KCNAB1: variants seen among roughly 807,000 people sequenced by gnomAD.
KCNAB1 encodes voltage-gated potassium channel subunit beta-1.
A neutral mutation model predicts 64.6 loss-of-function variants in KCNAB1; 35 were observed. The ratio of observed to expected loss-of-function variants is 0.54; its 90% CI spans 0.41 to 0.72. The LOEUF (loss-of-function observed/expected upper bound fraction) is 0.72. KCNAB1 is among the 30% of genes least tolerant of loss of function. KCNAB1 has a pLI of 0.00. For synonymous variants in KCNAB1, 177 were observed against 183.8 expected (o/e 0.96, Z 0.30); for missense variants, 401 against 512.9 (o/e 0.78, Z 2.11).
chr3:156,522,704 A>G (rs1718034621), intron 11 of KCNAB1, among the ~76,000 whole-genome samples: 1 of 152,244 alleles, frequency 6.6e-6, no homozygotes, highest in Non-Finnish European at 1.5e-5. Context: ...TCTTAGAATA[A>G]TGAAAAAATG....
chr3:156,160,011 A>G (rs983718083), intron 1 of KCNAB1, among the ~76,000 whole-genome samples: 2 of 152,252 alleles, frequency 1.3e-5, no homozygotes, highest in Non-Finnish European at 2.9e-5. Context: ...TACTGCTTTT[A>G]AAAACACAGT....
chr3:156,488,155 C>A (rs1576930781), intron 8 of KCNAB1, among the ~76,000 whole-genome samples: 1 of 152,070 alleles, frequency 6.6e-6, no homozygotes, highest in East Asian at 1.9e-4. Flanking sequence ...TATACCACAG[C>A]ATACATAGGA....
At chr3:156,203,009 T>C (rs1714438611) in intron 1 of KCNAB1, among the ~76,000 whole-genome samples, 1 of 152,202 alleles carries the variant, frequency 6.6e-6, no homozygotes, top group Non-Finnish European at 1.5e-5. Context: ...GTTTTTAGAT[T>C]ATCTTTGACA....
At chr3:156,292,750 C>G (rs978516146) in intron 1 of KCNAB1, among the ~76,000 whole-genome samples, 3 of 152,166 alleles carry the variant, frequency 2.0e-5, no homozygotes, top group African/African-American at 7.2e-5. Context: ...ACCATGTTGG[C>G]CAGGCTGGTC....
At chr3:156,287,983 G>T (rs561878480) in intron 1 of KCNAB1, among the ~76,000 whole-genome samples, 58 of 152,132 alleles carry the variant, frequency 3.8e-4, no homozygotes, top group Non-Finnish European at 6.5e-4. Flanking sequence ...GTATTAATTT[G>T]TTATGGCTGC....
chr3:156,531,233 ATCT>A (rs1718681544), intron 12 of KCNAB1, among the ~76,000 whole-genome samples, 173 bp from the exon 13 acceptor site: 2 of 152,254 alleles, frequency 1.3e-5, no homozygotes, highest in Middle Eastern at 3.4e-3. Flanking sequence ...ATTCTGTCAA[ATCT>A]TCTACACAAC....
chr3:156,159,808 C>T (rs1715968464), intron 1 of KCNAB1, among the ~76,000 whole-genome samples: 1 of 148,740 alleles, frequency 6.7e-6, no homozygotes, highest in Admixed American at 6.6e-5. Context: ...TTTTGATCCA[C>T]CAGTTTTCTC....
intron 1 of KCNAB1, among the ~76,000 whole-genome samples, chr3:156,345,316 T>C (rs1724415175): frequency 1.3e-5 from 2 of 152,252 alleles, no homozygotes; most frequent in African/African-American, 4.8e-5. Context: ...GGAAATATTC[T>C]ATTTTTGTTC....
chr3:156,449,979 T>G (rs1272971779), intron 2 of KCNAB1, among the ~76,000 whole-genome samples: 1 of 152,150 alleles, frequency 6.6e-6, no homozygotes, highest in Admixed American at 6.6e-5. Context: ...GTTAAAAAAA[T>G]CTCTTCTGCA....
chr3:156,194,049 C>T (rs992774472), intron 1 of KCNAB1, among the ~76,000 whole-genome samples: 3 of 152,034 alleles, frequency 2.0e-5, no homozygotes, highest in Non-Finnish European at 4.4e-5. Flanking sequence ...TCCTTTTGTA[C>T]AATTGTTGTC....
Position 156,340,404 on chromosome 3 carries a change from G to A in KCNAB1, c.276-81212G>A, listed in dbSNP as rs1314535067. Among the ~76,000 whole-genome samples the A allele has an allele frequency of 2.6e-5, 4 of 152,336 alleles. No individual in the cohort carries two copies. The East Asian group carries it at 7.7e-4, about 29-fold the overall frequency. On this transcript the variant is annotated intron_variant, in intron 1 of 13. Coordinates refer to ENST00000490337, the MANE Select transcript of KCNAB1 (RefSeq NM_172160.3). ...TGGGAGGGGCATTGAGACCATCACA[G>A]TGCACCATCCTCAGCCAGAAGCACC...
rs1364804752 is a variant in KCNAB1 at position 156,537,564 on chromosome 3, A to G, written c.*817A>G. 6.5e-6 allele frequency: 1 copy of G among 152,788 alleles called. No homozygotes were observed. The highest frequency in any genetic ancestry group is 1.5e-5 in the Non-Finnish European group (1 of 68,130). 9.5% of individuals were successfully genotyped at this position (152,788 alleles called of 1,614,324 possible). Reference sequence around the variant, plus strand: ...GCTGATTTATGAAAGAGAGGGCTACACTGCTATGGAAACTTAGCTTCAAAG... The same window carrying G: ...GCTGATTTATGAAAGAGAGGGCTACGCTGCTATGGAAACTTAGCTTCAAAG... On this transcript the variant is annotated 3_prime_UTR_variant, in exon 14 of 14. Coordinates refer to ENST00000490337, the MANE Select transcript of KCNAB1 (RefSeq NM_172160.3).
At position 156,165,629 on chromosome 3, in the gene KCNAB1, C is replaced by T. The variant is rs535204208; in HGVS notation, c.275+44743C>T. Among the ~76,000 whole-genome samples the T allele has an allele frequency of 5.3e-5, 8 of 152,356 alleles. No individual in the cohort carries two copies. In the South Asian group the frequency reaches 6.2e-4, roughly 12 times the overall value. On this transcript the variant is annotated intron_variant, in intron 1 of 13. Coordinates refer to ENST00000490337, the MANE Select transcript of KCNAB1 (RefSeq NM_172160.3). The stretch of plus-strand genomic sequence containing the variant: ...CATGAAGTTTTACTCCATTGATCAA[C>T]ACCTTAATTTGCTTACAGATCTTTT...
At chr3:156,307,996 T>C (rs540932732) in intron 1 of KCNAB1, among the ~76,000 whole-genome samples, 9 of 152,124 alleles carry the variant, frequency 5.9e-5, no homozygotes, top group Non-Finnish European at 8.8e-5. Flanking sequence ...AAGCTTATAT[T>C]GTAGAAGAGG....
chr3:156,323,453 G>T (rs1182874067), intron 1 of KCNAB1, among the ~76,000 whole-genome samples: 1 of 152,096 alleles, frequency 6.6e-6, no homozygotes, highest in African/African-American at 2.4e-5. Flanking sequence ...CTGTAAAAAT[G>T]CTTAACTCAA....
intron 8 of KCNAB1, among the ~76,000 whole-genome samples, chr3:156,478,345 C>G (rs145410223): frequency 6.6e-6 from 1 of 151,950 alleles, no homozygotes; most frequent in African/African-American, 2.4e-5. Flanking sequence ...TACTATGGAC[C>G]CTTAGCATTT....
chr3:156,342,347 T>C (rs1165801983), intron 1 of KCNAB1, among the ~76,000 whole-genome samples: 1 of 152,094 alleles, frequency 6.6e-6, no homozygotes, highest in African/African-American at 2.4e-5. Context: ...TCCGAGGGAG[T>C]GCACCAAAGA....
At chr3:156,238,599 A>C (rs1033598497) in intron 1 of KCNAB1, among the ~76,000 whole-genome samples, 2 of 152,206 alleles carry the variant, frequency 1.3e-5, no homozygotes, top group Admixed American at 1.3e-4. Flanking sequence ...CAGAGCTTTT[A>C]GATTCATAGC....
intron 1 of KCNAB1, among the ~76,000 whole-genome samples, chr3:156,266,762 G>A (rs1718744687): frequency 6.6e-6 from 1 of 152,094 alleles, no homozygotes; most frequent in Admixed American, 6.5e-5. Context: ...ATGTGACTTG[G>A]TAAATTCTTC....
Sources: allele counts gnomAD v4.1 joint callset (sites outside exome capture counted in the v4.1 genomes callset), GRCh38; gene constraint gnomAD v4.1.1; transcripts MANE v1.5; gene names NCBI Gene and HGNC (gene_info 2026-07-23, HGNC 2026-07-21).